PICALM: variants seen among roughly 807,000 people sequenced by gnomAD.
PICALM encodes the protein phosphatidylinositol-binding clathrin assembly protein.
Under a neutral mutation model 80.5 loss-of-function variants are expected in PICALM, and 40 were observed. That is an observed-to-expected ratio of 0.50 (90% CI 0.39 to 0.65). PICALM has a LOEUF of 0.65. PICALM is among the 30% of genes least tolerant of loss of function. The pLI, the probability that PICALM is intolerant of heterozygous loss-of-function variation, is 0.00. For synonymous variants in PICALM, 288 were observed against 260.3 expected (o/e 1.11, Z -1.02); for missense variants, 676 against 778.9 (o/e 0.87, Z 1.57).
chr11:86,026,762 G>T (rs2095655150), intron 2 of PICALM, among the ~76,000 whole-genome samples: 1 of 152,044 alleles, frequency 6.6e-6, no homozygotes, highest in Non-Finnish European at 1.5e-5. Context: ...ATACAAGAAA[G>T]CAATAGAGAT....
chr11:86,016,149 G>A (rs1181250962), intron 4 of PICALM, among the ~76,000 whole-genome samples: 10 of 152,008 alleles, frequency 6.6e-5, no homozygotes, highest in Non-Finnish European at 1.5e-5. Flanking sequence ...TTTACCTCTG[G>A]TTACTTCTCC....
chr11:85,996,869 T>C lies in PICALM; in HGVS notation c.1215A>G (p.Val405=), dbSNP rs151035490. 1,067 of 1,612,786 alleles carry C rather than the reference T, an allele frequency of 6.6e-4. 18 individuals are homozygous for C. In the East Asian group the frequency reaches 0.02, roughly 30 times the overall value. ...DLQQPTFHPS[V]HPMSTASQVA... is the part of the protein sequence containing the mutation. ...CCTGAGAAGCAGTTGACATAGGATG[T>C]ACAGATGGGTGAAAAGTTGGCTGCT... Residue 405 remains valine, a synonymous_variant, in exon 12 of 20, where the codon GTA becomes GTG. Coordinates refer to ENST00000393346, the MANE Select transcript of PICALM (RefSeq NM_007166.4).
intron 14 of PICALM, 131 bp downstream of exon 14, chr11:85,983,735 G>A (rs1297609275): frequency 4.1e-6 from 2 of 486,888 alleles, no homozygotes; most frequent in Non-Finnish European, 7.3e-6. Flanking sequence ...CTAGTGCTTG[G>A]GGGGATGGGA....
At chr11:86,061,128 A>G (rs1020025395) in intron 1 of PICALM, among the ~76,000 whole-genome samples, 2 of 152,146 alleles carry the variant, frequency 1.3e-5, no homozygotes, top group South Asian at 2.1e-4. Flanking sequence ...GAGGAGTTCA[A>G]GACCAGCCTG....
At position 86,059,849 on chromosome 11, in the gene PICALM, C is replaced by CA. The variant is rs763003431; in HGVS notation, c.130+8801dup. Among the ~76,000 whole-genome samples the CA allele has an allele frequency of 4.1e-5, 6 of 145,596 alleles. No individual in the cohort carries two copies. In the East Asian group the frequency reaches 1.2e-3, roughly 29 times the overall value. Reference sequence around the variant, plus strand: ...TGATACCTAACCTGCCTAACTTTCACAAAAAAGGATAGTTTTGACATAAAA... The same window carrying CA: ...TGATACCTAACCTGCCTAACTTTCACAAAAAAAGGATAGTTTTGACATAAAA... On this transcript the variant is annotated intron_variant, in intron 1 of 19. Transcript: ENST00000393346.
intron 7 of PICALM, among the ~76,000 whole-genome samples, chr11:86,008,180 C>A (rs952429224): frequency 6.6e-6 from 1 of 151,996 alleles, no homozygotes. Flanking sequence ...AGGCAATTTC[C>A]AGCAAAAAAA....
intron 7 of PICALM, among the ~76,000 whole-genome samples, chr11:86,010,791 A>G (rs145785921): frequency 6.6e-6 from 1 of 152,378 alleles, no homozygotes; most frequent in African/African-American, 2.4e-5. Context: ...TTTATAGAGA[A>G]GTAAACAATG....
chr11:85,976,639 A>G lies in PICALM; in HGVS notation c.1823T>C (p.Met608Thr), dbSNP rs777124408. 2 of 1,599,588 alleles carry G rather than the reference A, an allele frequency of 1.3e-6. No homozygotes were observed. The highest frequency in any genetic ancestry group is 1.7e-6 in the Non-Finnish European group (2 of 1,166,898). Residue 608 changes from methionine (M) to threonine (T), a missense_variant, in exon 18 of 20, where the codon ATG becomes ACG. Physicochemically the swap from Met to Thr is moderately conservative, Grantham distance 81 (BLOSUM62 -1). Transcript: ENST00000393346. Reference sequence around the variant, plus strand: ...AATACTTACAATTCCATATCCTATCATGCCTGTTGGTGTAGTAGCAGGATA... The same window carrying G: ...AATACTTACAATTCCATATCCTATCGTGCCTGTTGGTGTAGTAGCAGGATA... ...MAYPATTPTG[M>T]IGYGIPPQMG...
At chr11:86,053,797 G>A (rs1006439680) in intron 1 of PICALM, among the ~76,000 whole-genome samples, 1 of 152,024 alleles carries the variant, frequency 6.6e-6, no homozygotes, top group Non-Finnish European at 1.5e-5. Flanking sequence ...CAAACTCCTG[G>A]ACTCAAGCAA....
At chr11:86,052,374 G>T (rs1407090554) in intron 1 of PICALM, among the ~76,000 whole-genome samples, 1 of 152,156 alleles carries the variant, frequency 6.6e-6, no homozygotes, top group Non-Finnish European at 1.5e-5. Context: ...CTTCATAGCA[G>T]CACGAGAATA....
chr11:86,056,690 G>A (rs1350183779), intron 1 of PICALM, among the ~76,000 whole-genome samples: 5 of 152,100 alleles, frequency 3.3e-5, no homozygotes, highest in Non-Finnish European at 7.3e-5. Context: ...TAAGAGAACT[G>A]AAAATATGTT....
At chr11:85,981,639 C>A in intron 16 of PICALM, 106 bp downstream of exon 16, 17 of 756,140 alleles carry the variant, frequency 2.2e-5, no homozygotes, top group Non-Finnish European at 3.2e-5. Flanking sequence ...GACTTGATAT[C>A]TCTACACATA....
intron 3 of PICALM, among the ~76,000 whole-genome samples, chr11:86,022,929 A>G (rs953744665): frequency 2.0e-5 from 3 of 152,158 alleles, no homozygotes; most frequent in Non-Finnish European, 2.9e-5. Context: ...ACCTTATAAA[A>G]AGTATAAAAA....
chr11:86,005,883 G>A (rs1195854630), intron 8 of PICALM, among the ~76,000 whole-genome samples: 1 of 151,864 alleles, frequency 6.6e-6, no homozygotes, highest in Non-Finnish European at 1.5e-5. Flanking sequence ...AAAATTTTCT[G>A]AATCAGCCAA....
chr11:86,024,521 A>C (rs1171697413), intron 3 of PICALM, among the ~76,000 whole-genome samples: 1 of 151,272 alleles, frequency 6.6e-6, no homozygotes, highest in Non-Finnish European at 1.5e-5. Flanking sequence ...AGAACAACTG[A>C]AACAGTCTCA....
At chr11:85,964,170 A>T (rs1010324347) in intron 19 of PICALM, among the ~76,000 whole-genome samples, 6 of 152,176 alleles carry the variant, frequency 3.9e-5, no homozygotes, top group Non-Finnish European at 8.8e-5. Context: ...TGGAATTAAA[A>T]GCTTATGAAA....
At chr11:86,007,799 A>G (rs2095309339) in intron 7 of PICALM, among the ~76,000 whole-genome samples, 1 of 152,124 alleles carries the variant, frequency 6.6e-6, no homozygotes, top group Non-Finnish European at 1.5e-5. Flanking sequence ...CTAGAGTTGG[A>G]AAGTCAACAA....
At chr11:85,985,557 T>C (rs1027260447) in intron 13 of PICALM, among the ~76,000 whole-genome samples, 14 of 152,172 alleles carry the variant, frequency 9.2e-5, no homozygotes, top group Admixed American at 2.0e-4. Flanking sequence ...ATATAAATCT[T>C]CTGACTATTC....
chr11:85,981,298 T>A, intron 16 of PICALM, 70 bp from the exon 17 acceptor site: 1 of 947,780 alleles, frequency 1.1e-6, no homozygotes, highest in Non-Finnish European at 1.7e-6. Flanking sequence ...TATACTTATA[T>A]AGAACAGAGT....
Sources: allele counts gnomAD v4.1 joint callset (sites outside exome capture counted in the v4.1 genomes callset), GRCh38; gene constraint gnomAD v4.1.1; transcripts MANE v1.5; gene names NCBI Gene and HGNC (gene_info 2026-07-23, HGNC 2026-07-21).